The following ZNF615 variants were observed in gnomAD, a reference collection of about 807,000 sequenced individuals.
ZNF615 encodes the protein zinc finger protein 615.
In ZNF615, 15 loss-of-function variants were observed where a neutral mutation model predicts 15.3. The ratio of observed to expected loss-of-function variants is 0.98; its 90% CI spans 0.66 to 1.51. ZNF615 has a LOEUF of 1.51. ZNF615 is among the 40% of genes most tolerant of loss of function. The pLI is 0.00. For synonymous variants in ZNF615, 268 were observed against 294.6 expected (o/e 0.91, Z 0.92); for missense variants, 848 against 895.9 (o/e 0.95, Z 0.68).
chr19:51,999,458 C>T (rs1446042961), intron 6 of ZNF615, among the ~76,000 whole-genome samples: 2 of 152,152 alleles, frequency 1.3e-5, no homozygotes, highest in African/African-American at 4.8e-5. Context: ...AATTTCAAAA[C>T]TTACTATAGA....
Position 52,007,478 on chromosome 19 carries a change from G to C in ZNF615, c.-227-148C>G, listed in dbSNP as rs574695766. ...CATTTCTGAGGATTCAAGACCAAGGGGTGATGGAAGGTGCCAAAGGGGATT... is the reference window on the plus strand; with the variant it reads ...CATTTCTGAGGATTCAAGACCAAGGCGTGATGGAAGGTGCCAAAGGGGATT... On this transcript the variant is annotated intron_variant, in intron 1 of 6. Coordinates refer to ENST00000598071, the MANE Select transcript of ZNF615 (RefSeq NM_001199324.2). 5 of 371,864 alleles carry C rather than the reference G, an allele frequency of 1.3e-5. No homozygotes were observed. The East Asian group carries it at 4.0e-4, about 30-fold the overall frequency. The allele number at this position is 371,864 out of a possible 1,614,324, so 23.0% of individuals were successfully genotyped here. A position where few individuals can be genotyped will look rare whatever the true frequency, so the allele number is the denominator to read the frequency against.
intron 6 of ZNF615, among the ~76,000 whole-genome samples, chr19:51,999,592 T>C (rs2086533935): frequency 6.6e-6 from 1 of 152,200 alleles, no homozygotes; most frequent in African/African-American, 2.4e-5. Context: ...ACACCTTAAA[T>C]GGGTGAAATC....
intron 2 of ZNF615, among the ~76,000 whole-genome samples, chr19:52,006,642 C>A (rs2086760271): frequency 6.6e-6 from 1 of 152,008 alleles, no homozygotes; most frequent in South Asian, 2.1e-4. Flanking sequence ...TTGAAATATA[C>A]CAAAATCGAC....
rs2123060887 is a variant in ZNF615 at position 52,001,727 on chromosome 19, CA to C, written c.238+85del. 4 of 1,072,210 alleles carry C rather than the reference CA, an allele frequency of 3.7e-6. No homozygotes were observed. The East Asian group carries it at 9.6e-5, about 26-fold the overall frequency. 66.4% of individuals were successfully genotyped at this position (1,072,210 alleles called of 1,614,324 possible). ...GATGGAGGGGCTGTTGCTGTGTCCTCAGATGCCCTCACTGCTTTGACGCCTG... is the reference window on the plus strand; with the variant it reads ...GATGGAGGGGCTGTTGCTGTGTCCTCGATGCCCTCACTGCTTTGACGCCTG... On this transcript the variant is annotated intron_variant, in intron 5 of 6. Coordinates refer to ENST00000598071, the MANE Select transcript of ZNF615 (RefSeq NM_001199324.2).
chr19:52,000,209 C>T (rs2086551474), intron 6 of ZNF615, 137 bp downstream of exon 6: 1 of 436,438 alleles, frequency 2.3e-6, no homozygotes, highest in Non-Finnish European at 4.0e-6. Context: ...ACAATAGACA[C>T]TGGGGACTCC....
intron 2 of ZNF615, among the ~76,000 whole-genome samples, chr19:52,007,019 T>C (rs911329601): frequency 3.9e-5 from 6 of 152,170 alleles, no homozygotes; most frequent in Non-Finnish European, 8.8e-5. Context: ...TGGATAATCA[T>C]AAAATGTTCC....
chr19:52,000,392 A>G lies in ZNF615; in HGVS notation c.239-14T>C. The G allele has an allele frequency of 1.6e-6, 1 of 622,764 alleles. No individual in the cohort carries two copies. Among genetic ancestry groups the G allele is most frequent in the South Asian group, 2.0e-5 (1 of 51,036 alleles). The allele number at this position is 622,764 out of a possible 1,614,324, so 38.6% of individuals were successfully genotyped here. ...CACCTCCTGAATCTAAAATAAAAAC[A>G]TAAAAGATAAAATAAAATTAAAAAA... is the stretch of plus-strand genomic sequence containing the variant. On this transcript the variant is annotated splice_polypyrimidine_tract_variant and intron_variant, in intron 5 of 6. Coordinates refer to ENST00000598071, the MANE Select transcript of ZNF615 (RefSeq NM_001199324.2).
intron 4 of ZNF615, 59 bp downstream of exon 4, chr19:52,002,096 T>C: frequency 6.2e-7 from 1 of 1,613,440 alleles, no homozygotes; most frequent in Non-Finnish European, 8.5e-7. Flanking sequence ...GGTAAGCAGC[T>C]GAGAAAGGAA....
rs192555955 is a variant in ZNF615, at chr19:52,002,869, C to G, written c.16-588G>C. 1.1e-4 allele frequency among the ~76,000 whole-genome samples: 17 copies of G among 151,728 alleles called. No homozygotes were observed. The East Asian group carries it at 2.7e-3, about 24-fold the overall frequency. On this transcript the variant is annotated intron_variant, in intron 3 of 6. Coordinates refer to ENST00000598071, the MANE Select transcript of ZNF615 (RefSeq NM_001199324.2). ...TGAGATGGAGTCTTGCTCTGTTGCC[C>G]AGGCTGGAGTGCAGTGGCACAATCT...
At chr19:52,000,619 T>C (rs2086563022) in intron 5 of ZNF615, among the ~76,000 whole-genome samples, 1 of 151,930 alleles carries the variant, frequency 6.6e-6, no homozygotes, top group Non-Finnish European at 1.5e-5. Flanking sequence ...TTCACGGGAA[T>C]GAAAAAAACT....
chr19:51,993,656 G>A lies in ZNF615; in HGVS notation c.1453C>T (p.His485Tyr). 1 of 1,614,038 alleles carries A rather than the reference G, an allele frequency of 6.2e-7. No individual in the cohort carries two copies. Among genetic ancestry groups the A allele is most frequent in the Non-Finnish European group, 8.5e-7 (1 of 1,179,988 alleles). ...TTCTCTGCAGTATGAGTTCGCTGAT[G>A]TACAATGAGGTCACTCTTCATGGTG... The part of the protein sequence containing the change: ...GFTMKSDLIV[H>Y]QRTHTAEKPY... The change falls in exon 7 of 7, where the codon CAT (histidine) becomes TAT (tyrosine). Residue 485 changes from histidine (H) to tyrosine (Y), a missense_variant. His to Tyr is a moderately conservative substitution (Grantham distance 83). Coordinates refer to ENST00000598071, the MANE Select transcript of ZNF615 (RefSeq NM_001199324.2).
rs1386498797 is a variant in ZNF615 at position 52,000,363 on chromosome 19, G to A, written c.254C>T (p.Ser85Leu). The A allele has an allele frequency of 3.2e-6, 2 of 629,194 alleles. No individual in the cohort carries two copies. Among genetic ancestry groups the A allele is most frequent in the Non-Finnish European group, 5.8e-6 (2 of 343,764 alleles). 39.0% of individuals were successfully genotyped at this position (629,194 alleles called of 1,614,324 possible). ...SRICSDSGGASGGAYAEIRKI... is the reference protein window; with the variant it reads ...SRICSDSGGALGGAYAEIRKI... ...AGACAAACCTGCATATGCACCTCCT[G>A]ATGCACCTCCTGAATCTAAAATAAA... Residue 85 changes from serine to leucine, a missense_variant, in exon 6 of 7, where the codon TCA (serine) becomes TTA (leucine). By Grantham distance (145) the Ser-to-Leu change is moderately radical. Transcript: ENST00000598071.
intron 3 of ZNF615, 154 bp from the exon 4 acceptor site, chr19:52,002,435 T>A (rs1397664586): frequency 9.1e-7 from 1 of 1,102,254 alleles, no homozygotes; most frequent in Non-Finnish European, 1.4e-6. Context: ...CAGTAAAATA[T>A]TCTGTAACTG....
At chr19:52,008,041 C>G (rs1053120309) in intron 1 of ZNF615, 100 bp downstream of exon 1, 2 of 1,161,224 alleles carry the variant, frequency 1.7e-6, no homozygotes, top group East Asian at 2.6e-5. Flanking sequence ...ACGCTGGCGC[C>G]GACAGATACC....
rs748826543 is a variant in ZNF615 at position 51,993,906 on chromosome 19, A to G, written c.1203T>C (p.His401=). The part of the protein sequence containing the change: ...GFTLKNSLIT[H]QQTHTGEKLY... ...ATTTCTCTCCTGTATGAGTTTGCTGATGTGTGATAAGACTGTTCTTCAAGG... is the reference window on the plus strand; with the variant it reads ...ATTTCTCTCCTGTATGAGTTTGCTGGTGTGTGATAAGACTGTTCTTCAAGG... The change falls in exon 7 of 7, where the codon CAT becomes CAC. Residue 401 remains histidine, a synonymous_variant. Coordinates refer to ENST00000598071, the MANE Select transcript of ZNF615 (RefSeq NM_001199324.2). 64 of 1,614,052 alleles carry G rather than the reference A, an allele frequency of 4.0e-5. No individual in the cohort carries two copies. Among genetic ancestry groups the G allele is most frequent in the Non-Finnish European group, 5.3e-5 (63 of 1,180,044 alleles).
In ZNF615 at chr19:51,994,189, G is replaced by A. The variant is rs367901013; in HGVS notation, c.920C>T (p.Ala307Val). 1 of 1,613,778 alleles carries A rather than the reference G, an allele frequency of 6.2e-7. No individual in the cohort carries two copies. The highest frequency in any genetic ancestry group is 8.5e-7 in the Non-Finnish European group (1 of 1,180,032). The change falls in exon 7 of 7, where the codon GCC (alanine) becomes GTC (valine). Residue 307 changes from alanine (A) to valine (V), a missense_variant. Ala to Val is a moderately conservative substitution (Grantham distance 64). Coordinates refer to ENST00000598071, the MANE Select transcript of ZNF615 (RefSeq NM_001199324.2). ...KPYTCSQCGKAFIKKCRLIYH... is the reference protein window; with the variant it reads ...KPYTCSQCGKVFIKKCRLIYH... The stretch of plus-strand genomic sequence containing the variant: ...AATGAGCCGACACTTCTTGATGAAG[G>A]CTTTCCCACATTGGCTACATGTGTA...
rs1297586984 is a variant in ZNF615, at chr19:52,002,153, AC to A, written c.142+1del. On this transcript the variant is annotated splice_donor_variant, in intron 4 of 6. Coordinates refer to ENST00000598071, the MANE Select transcript of ZNF615 (RefSeq NM_001199324.2). LOFTEE classifies it high-confidence loss of function. ...TGAGTGACACAGGGCAGCTGTCCTC[AC>A]CCACTGCCACCAGGTTGCTGTAGTT... is the stretch of plus-strand genomic sequence containing the variant. 1.2e-6 allele frequency: 2 copies of A among 1,614,174 alleles called. No homozygotes were observed. The highest frequency in any genetic ancestry group is 2.2e-5 in the South Asian group (2 of 91,080).
chr19:52,002,879 T>A (rs1435719683), intron 3 of ZNF615, among the ~76,000 whole-genome samples: 1 of 151,418 alleles, frequency 6.6e-6, no homozygotes, highest in African/African-American at 2.4e-5. Context: ...CAGGCTGGAG[T>A]GCAGTGGCAC....
intron 3 of ZNF615, among the ~76,000 whole-genome samples, chr19:52,003,468 G>A (rs1042356274): frequency 1.6e-4 from 24 of 152,112 alleles, no homozygotes; most frequent in African/African-American, 5.6e-4. Context: ...GATACTAGAG[G>A]CAAGTTTACA....
Sources: allele counts gnomAD v4.1 joint callset (sites outside exome capture counted in the v4.1 genomes callset), GRCh38; gene constraint gnomAD v4.1.1; transcripts MANE v1.5; gene names NCBI Gene and HGNC (gene_info 2026-07-23, HGNC 2026-07-21).